PCDH15: variants seen among roughly 807,000 people sequenced by gnomAD.
PCDH15 encodes protocadherin related 15, also known as protocadherin-15.
Under a neutral mutation model 178.5 loss-of-function variants are expected in PCDH15, and 129 were observed. That is an observed-to-expected ratio of 0.72 (90% CI 0.63 to 0.84). The LOEUF is 0.84. Among genes scored for constraint, PCDH15 ranks in the 40% least tolerant of loss-of-function variants. The pLI, the probability that PCDH15 is intolerant of heterozygous loss-of-function variation, is 0.00. For missense variants in PCDH15, 2,230 were observed against 2,099.9 expected (o/e 1.06, Z -1.21); for synonymous variants, 800 against 732.0 (o/e 1.09, Z -1.50).
rs879795602 is a variant in PCDH15, at chr10:55,335,796, A to T, written c.-155-169145T>A. ...CTGCAAAGATGACCTTTCTCTTGAG[A>T]AAAGGGGTAACTTGTAGTTCCTCAT... On this transcript the variant is annotated intron_variant, in intron 2 of 5. Coordinates refer to the PCDH15 transcript ENST00000613346. Among the ~76,000 whole-genome samples, 7 of 152,182 alleles carry T rather than the reference A, an allele frequency of 4.6e-5. 1 individual carries two copies. Among genetic ancestry groups the T allele is most frequent in the Admixed American group, 2.0e-4 (3 of 15,264 alleles).
At chr10:54,130,894 A>G (rs1019580657) in intron 15 of PCDH15, among the ~76,000 whole-genome samples, 9 of 152,134 alleles carry the variant, frequency 5.9e-5, no homozygotes, top group Non-Finnish European at 8.8e-5. Context: ...TTAGGTCACT[A>G]GTTTAAATGT....
At chr10:54,825,975 A>C (rs890377575) in intron 3 of PCDH15, among the ~76,000 whole-genome samples, 1 of 152,230 alleles carries the variant, frequency 6.6e-6, no homozygotes, top group East Asian at 1.9e-4. Context: ...ATGTAAGTCC[A>C]TTATGCCATT....
chr10:55,488,889 C>T (rs1840355791), intron 2 of PCDH15, among the ~76,000 whole-genome samples: 1 of 151,262 alleles, frequency 6.6e-6, no homozygotes, highest in South Asian at 2.1e-4. Context: ...TTAAGAAACA[C>T]ACTAGAATAA....
intron 25 of PCDH15, among the ~76,000 whole-genome samples, chr10:53,938,396 G>A (rs188596405): frequency 3.9e-4 from 59 of 152,086 alleles, no homozygotes; most frequent in Admixed American, 1.8e-3. Flanking sequence ...AATGTTAGTC[G>A]CTAATTTTAA....
At chr10:54,314,626 C>T (rs781543930) in intron 8 of PCDH15, among the ~76,000 whole-genome samples, 16 of 151,976 alleles carry the variant, frequency 1.1e-4, no homozygotes, top group Admixed American at 4.6e-4. Context: ...TAGATTATTG[C>T]GTCACCCAGT....
rs116573013 is a variant in PCDH15 at position 54,191,434 on chromosome 10, G to A, written c.1305+4249C>T. 5.6e-3 allele frequency among the ~76,000 whole-genome samples: 860 copies of A among 152,244 alleles called. 8 individuals carry two copies. Among genetic ancestry groups the A allele is most frequent in the African/African-American group, 0.017 (697 of 41,540 alleles). ...TGAAAGATTTCAAAGCCTAGAACATGTAATGAGCAAACATTAGACAAGATG... is the reference window on the plus strand; with the variant it reads ...TGAAAGATTTCAAAGCCTAGAACATATAATGAGCAAACATTAGACAAGATG... On this transcript the variant is annotated intron_variant, in intron 11 of 37. Transcript: ENST00000644397.
At chr10:54,135,235 T>C (rs73240000) in intron 14 of PCDH15, among the ~76,000 whole-genome samples, 1 of 152,186 alleles carries the variant, frequency 6.6e-6, no homozygotes, top group African/African-American at 2.4e-5. Flanking sequence ...CTTACATTTA[T>C]CATGATATTG....
chr10:54,293,174 C>G (rs2059532736), intron 8 of PCDH15, among the ~76,000 whole-genome samples: 1 of 152,106 alleles, frequency 6.6e-6, no homozygotes, highest in East Asian at 1.9e-4. Context: ...ACATCTGCAA[C>G]CATCTGATCT....
chr10:54,525,886 G>A (rs990284869), intron 3 of PCDH15, among the ~76,000 whole-genome samples: 1 of 152,118 alleles, frequency 6.6e-6, no homozygotes, highest in Non-Finnish European at 1.5e-5. Flanking sequence ...ATCTGGCAGA[G>A]GTTCATTTGA....
At chr10:53,941,531 G>A (rs533741834) in intron 23 of PCDH15, among the ~76,000 whole-genome samples, 188 of 151,978 alleles carry the variant, frequency 1.2e-3, no homozygotes, top group African/African-American at 3.8e-3. Flanking sequence ...ATAATATTTC[G>A]CGGTCTGAAT....
At position 54,202,306 on chromosome 10, in the gene PCDH15, T is replaced by C. The variant is rs138801090; in HGVS notation, c.1099-6417A>G. Among the ~76,000 whole-genome samples, 51 of 151,230 alleles carry C rather than the reference T, an allele frequency of 3.4e-4. 2 individuals carry two copies. In the East Asian group the frequency reaches 9.8e-3, roughly 29 times the overall value. On this transcript the variant is annotated intron_variant, in intron 10 of 37. Coordinates refer to ENST00000644397, the MANE Select transcript of PCDH15 (RefSeq NM_001384140.1). ...CTGCTTGGCCAATTTTCGCAAACAT[T>C]AGATATCTTAGGAAGAGAAAAAAAA...
intron 2 of PCDH15, among the ~76,000 whole-genome samples, chr10:55,545,284 T>C (rs998674425): frequency 4.6e-5 from 7 of 151,856 alleles, no homozygotes; most frequent in Non-Finnish European, 1.0e-4. Flanking sequence ...TTTTTTTTTT[T>C]TTAGATGGAG....
chr10:54,466,220 GTTTT>G (rs1197343175), intron 3 of PCDH15, among the ~76,000 whole-genome samples: 2 of 151,688 alleles, frequency 1.3e-5, no homozygotes, highest in Admixed American at 6.6e-5. Context: ...TGTTGCTTGT[GTTTT>G]TTTAGGTCTC....
chr10:54,751,412 A>G (rs1323560322), intron 1 of PCDH15, among the ~76,000 whole-genome samples: 1 of 152,196 alleles, frequency 6.6e-6, no homozygotes, highest in African/African-American at 2.4e-5. Context: ...TGCTTATAAA[A>G]TATGCACAAA....
intron 2 of PCDH15, among the ~76,000 whole-genome samples, chr10:55,349,077 G>T (rs904392336): frequency 1.3e-5 from 2 of 152,092 alleles, no homozygotes; most frequent in African/African-American, 4.8e-5. Context: ...TGGAAGTGAG[G>T]AGAACTATTG....
chr10:54,451,694 C>G (rs927671562), intron 3 of PCDH15, among the ~76,000 whole-genome samples: 1 of 151,856 alleles, frequency 6.6e-6, no homozygotes, highest in Non-Finnish European at 1.5e-5. Context: ...GTTATTCCAA[C>G]TCTAAAGTTT....
At chr10:55,584,459 C>T (rs1003488757) in intron 2 of PCDH15, among the ~76,000 whole-genome samples, 1 of 151,628 alleles carries the variant, frequency 6.6e-6, no homozygotes, top group African/African-American at 2.4e-5. Flanking sequence ...GAGATCGAGA[C>T]CATCCTGGCC....
intron 1 of PCDH15, among the ~76,000 whole-genome samples, chr10:55,235,767 C>T (rs527868496): frequency 5.3e-5 from 8 of 151,862 alleles, no homozygotes; most frequent in Non-Finnish European, 8.8e-5. Flanking sequence ...ATTAGCCGGG[C>T]GCGGTGGCAT....
chr10:54,608,701 CTT>C lies in PCDH15; in HGVS notation c.91+55469_91+55470del, dbSNP rs561865307. 1.6e-4 allele frequency among the ~76,000 whole-genome samples: 25 copies of C among 152,064 alleles called. No homozygotes were observed. The South Asian group carries it at 5.0e-3, about 30-fold the overall frequency. ...GTCAAGAAGTCAAGATTTATGCTCT[CTT>C]ACAATTCTGACTTTCACATTGAATT... On this transcript the variant is annotated intron_variant, in intron 2 of 37. Transcript: ENST00000644397.
Sources: allele counts gnomAD v4.1 joint callset (sites outside exome capture counted in the v4.1 genomes callset), GRCh38; gene constraint gnomAD v4.1.1; transcripts MANE v1.5; gene names NCBI Gene and HGNC (gene_info 2026-07-23, HGNC 2026-07-21).